PTPN14: variants seen among roughly 807,000 people sequenced by gnomAD.
PTPN14 encodes tyrosine-protein phosphatase non-receptor type 14.
In PTPN14, 53 loss-of-function variants were observed where a neutral mutation model predicts 126.8. The ratio of observed to expected loss-of-function variants is 0.42; its 90% CI spans 0.34 to 0.53. PTPN14 has a LOEUF of 0.53. Ranked by LOEUF, PTPN14 falls within the 20% of genes least tolerant of loss-of-function variation. PTPN14 has a pLI of 0.08. For missense variants in PTPN14, 1,257 were observed against 1,552.9 expected, an observed-to-expected ratio of 0.81 and a Z score of 3.20; for synonymous variants, 630 against 599.3, an observed-to-expected ratio of 1.05 and a Z score of -0.75.
rs540694402 is a variant in PTPN14 at position 214,497,639 on chromosome 1, A to G, written c.-154-32682T>C. Among the ~76,000 whole-genome samples the G allele has an allele frequency of 3.9e-5, 6 of 152,314 alleles. No homozygotes were observed. The South Asian group carries it at 1.2e-3, about 32-fold the overall frequency. ...CCTGGTGCAAAGGTACAAAACATTT[A>G]TAAGAACTAGAATGATCTATACTTA... is the stretch of plus-strand genomic sequence containing the variant. On this transcript the variant is annotated intron_variant, in intron 1 of 18. Coordinates refer to ENST00000366956, the MANE Select transcript of PTPN14 (RefSeq NM_005401.5).
chr1:214,356,223 T>G lies in PTPN14; in HGVS notation c.*1699A>C, dbSNP rs1377763588. ...ATCTGCCCGCCTTGGCCTTTCAAAG[T>G]GCTGGGATTACAGGTGTGAACCACC... On this transcript the variant is annotated 3_prime_UTR_variant, in exon 19 of 19. Transcript: ENST00000366956. The G allele has an allele frequency of 6.6e-6, 1 of 152,360 alleles. No individual in the cohort carries two copies. Among genetic ancestry groups the G allele is most frequent in the Non-Finnish European group, 1.5e-5 (1 of 68,178 alleles). The allele number at this position is 152,360 out of a possible 1,614,324, so 9.4% of individuals were successfully genotyped here.
chr1:214,359,217 C>CTT lies in PTPN14; in HGVS notation c.3436-1169_3436-1168dup, dbSNP rs1055472030. Among the ~76,000 whole-genome samples, 221 of 141,116 alleles carry CTT rather than the reference C, an allele frequency of 1.6e-3. 10 individuals are homozygous for CTT. In the South Asian group the frequency reaches 0.044, roughly 28 times the overall value. The allele number at this position is 141,116 out of a possible 152,430, so 92.6% of individuals were successfully genotyped here. The stretch of plus-strand genomic sequence containing the variant: ...GCCTTCAACTGAGAACACTTTTTTT[C>CTT]TTTTTTTTTTTTTTGAGACGGAGTC... On this transcript the variant is annotated intron_variant, in intron 18 of 18. Coordinates refer to ENST00000366956, the MANE Select transcript of PTPN14 (RefSeq NM_005401.5).
intron 1 of PTPN14, among the ~76,000 whole-genome samples, chr1:214,492,317 C>T (rs1414336296): frequency 6.6e-6 from 1 of 152,092 alleles, no homozygotes; most frequent in African/African-American, 2.4e-5. Flanking sequence ...GATAAGATGG[C>T]CCCTAGGAAA....
At chr1:214,458,233 T>C (rs921844410) in intron 2 of PTPN14, among the ~76,000 whole-genome samples, 1 of 152,102 alleles carries the variant, frequency 6.6e-6, no homozygotes, top group Non-Finnish European at 1.5e-5. Context: ...ATTTTTTTTG[T>C]AGAGATGGAT....
intron 3 of PTPN14, among the ~76,000 whole-genome samples, chr1:214,439,150 A>G (rs1324550641): frequency 6.6e-6 from 1 of 152,186 alleles, no homozygotes; most frequent in Admixed American, 6.5e-5. Flanking sequence ...ACCAAAAAAT[A>G]CTAGTTCTTT....
At chr1:214,443,552 C>T (rs985000196) in intron 3 of PTPN14, among the ~76,000 whole-genome samples, 3 of 151,888 alleles carry the variant, frequency 2.0e-5, no homozygotes, top group Non-Finnish European at 4.4e-5. Flanking sequence ...AAGAATAAAT[C>T]GCAAGATAAC....
At chr1:214,434,562 T>TA (rs1337489931) in intron 3 of PTPN14, among the ~76,000 whole-genome samples, 3 of 151,744 alleles carry the variant, frequency 2.0e-5, no homozygotes, top group Non-Finnish European at 4.4e-5. Flanking sequence ...TATTAAATAG[T>TA]AATTAGGAAG....
At chr1:214,521,725 CCA>C (rs34671352) in intron 1 of PTPN14, among the ~76,000 whole-genome samples, 3,051 of 148,964 alleles carry the variant, frequency 0.02, 99 homozygotes, top group African/African-American at 0.071. Flanking sequence ...CAAAGCACAC[CCA>C]CACACACACA....
chr1:214,360,320 TG>T (rs1657925240), intron 18 of PTPN14, among the ~76,000 whole-genome samples: 1 of 151,998 alleles, frequency 6.6e-6, no homozygotes, highest in African/African-American at 2.4e-5. Context: ...CGACGTTGCC[TG>T]GGCTAGAGTG....
intron 1 of PTPN14, among the ~76,000 whole-genome samples, chr1:214,502,697 G>A (rs1654736926): frequency 6.6e-6 from 1 of 152,034 alleles, no homozygotes; most frequent in Non-Finnish European, 1.5e-5. Flanking sequence ...ACGAAAAAAT[G>A]TTGAAGACTT....
At chr1:214,409,172 T>C (rs1659239809) in intron 5 of PTPN14, among the ~76,000 whole-genome samples, 1 of 152,256 alleles carries the variant, frequency 6.6e-6, no homozygotes, top group Non-Finnish European at 1.5e-5. Flanking sequence ...GTCACCTTGC[T>C]GTGCAGCAAA....
At chr1:214,448,917 T>G (rs1246341815) in intron 3 of PTPN14, among the ~76,000 whole-genome samples, 5 of 152,122 alleles carry the variant, frequency 3.3e-5, no homozygotes, top group Non-Finnish European at 7.4e-5. Flanking sequence ...ACCCTAATTT[T>G]GTGCTCCAGA....
Position 214,464,663 on chromosome 1 carries a change from C to T in PTPN14, c.141G>A (p.Leu47=), listed in dbSNP as rs750816093. The T allele has an allele frequency of 1.9e-6, 3 of 1,614,158 alleles. No homozygotes were observed. The South Asian group carries it at 3.3e-5, about 18-fold the overall frequency. Residue 47 remains leucine (L), a synonymous_variant, in exon 2 of 19, where the codon CTG becomes CTA. Coordinates refer to ENST00000366956, the MANE Select transcript of PTPN14 (RefSeq NM_005401.5). The part of the protein sequence containing the change: ...LSVESTGQEC[L]EAVAQRLELR... ...GCTCCAGCCTCTGGGCCACAGCCTCCAGGCATTCTTGCCCTGTGCTTTCCA... is the reference window on the plus strand; with the variant it reads ...GCTCCAGCCTCTGGGCCACAGCCTCTAGGCATTCTTGCCCTGTGCTTTCCA...
intron 2 of PTPN14, among the ~76,000 whole-genome samples, chr1:214,458,431 C>CAG (rs1020023777): frequency 4.6e-5 from 7 of 152,232 alleles, no homozygotes; most frequent in African/African-American, 1.7e-4. Flanking sequence ...AGTGTCATGG[C>CAG]AGAGGCTGGA....
intron 1 of PTPN14, among the ~76,000 whole-genome samples, chr1:214,471,689 A>T (rs965424463): frequency 2.0e-5 from 3 of 152,208 alleles, no homozygotes; most frequent in African/African-American, 7.2e-5. Flanking sequence ...AATCCCATGG[A>T]AAAACTGACC....
At chr1:214,520,364 A>G (rs997932710) in intron 1 of PTPN14, among the ~76,000 whole-genome samples, 1 of 152,196 alleles carries the variant, frequency 6.6e-6, no homozygotes. Context: ...TTTTGTTTTA[A>G]ATTAGACTGT....
chr1:214,550,820 C>T (rs1364556245), intron 1 of PTPN14, among the ~76,000 whole-genome samples: 2 of 152,230 alleles, frequency 1.3e-5, no homozygotes, highest in African/African-American at 2.4e-5. Flanking sequence ...CGTCTTTCAT[C>T]CTCTAGCCCC....
intron 7 of PTPN14, among the ~76,000 whole-genome samples, chr1:214,401,152 T>A (rs965768238): frequency 9.2e-5 from 14 of 152,236 alleles, no homozygotes; most frequent in South Asian, 6.2e-4. Context: ...CTGCAAAGGA[T>A]GTGATGTGCT....
chr1:214,458,407 G>A (rs1660432948), intron 2 of PTPN14, among the ~76,000 whole-genome samples: 1 of 152,112 alleles, frequency 6.6e-6, no homozygotes, highest in Admixed American at 6.5e-5. Context: ...AAGGGTGACA[G>A]CCCAGTCTCT....
Sources: gnomAD v4.1 joint callset for allele counts (sites outside exome capture counted in the v4.1 genomes callset) on GRCh38, gnomAD v4.1.1 for gene constraint, MANE v1.5 for transcripts, NCBI Gene and HGNC (gene_info 2026-07-23, HGNC 2026-07-21) for gene names.